CACNA2D3: variants seen among roughly 807,000 people sequenced by gnomAD.
CACNA2D3 encodes calcium voltage-gated channel auxiliary subunit alpha2delta 3.
A neutral mutation model predicts 160.6 loss-of-function variants in CACNA2D3; 60 were observed. The ratio of observed to expected loss-of-function variants is 0.37; its 90% CI spans 0.30 to 0.46. The LOEUF (loss-of-function observed/expected upper bound fraction) is 0.46. Among genes scored for constraint, CACNA2D3 ranks in the 20% least tolerant of loss-of-function variants. CACNA2D3 has a pLI of 1.00. For missense variants in CACNA2D3, 1,205 were observed against 1,365.0 expected (o/e 0.88, Z 1.85); for synonymous variants, 558 against 492.9 (o/e 1.13, Z -1.75).
chr3:54,660,525 C>T (rs1699949701), intron 11 of CACNA2D3, among the ~76,000 whole-genome samples: 1 of 151,836 alleles, frequency 6.6e-6, no homozygotes, highest in African/African-American at 2.4e-5. Flanking sequence ...GCTCCTTCTT[C>T]CTGTAGATTT....
chr3:54,739,353 G>T (rs1404976123), intron 11 of CACNA2D3, among the ~76,000 whole-genome samples: 1 of 146,634 alleles, frequency 6.8e-6, no homozygotes, highest in Non-Finnish European at 1.5e-5. Context: ...CTGGGAGGCA[G>T]AGGTTGCAGT....
rs368045811 is a variant in CACNA2D3, at chr3:54,164,808, A to G, written c.204+41214A>G. The stretch of plus-strand genomic sequence containing the variant: ...TGCACCCCTGAGCAGGACATTCCCC[A>G]GTGAGAGCCCCAGGCCCGACACTTC... On this transcript the variant is annotated intron_variant, in intron 2 of 37. Coordinates refer to ENST00000474759, the MANE Select transcript of CACNA2D3 (RefSeq NM_018398.3). Among the ~76,000 whole-genome samples, 3 of 152,264 alleles carry G rather than the reference A, an allele frequency of 2.0e-5. No individual in the cohort carries two copies. The East Asian group carries it at 5.8e-4, about 30-fold the overall frequency.
chr3:54,718,578 G>A (rs1468723357), intron 11 of CACNA2D3, among the ~76,000 whole-genome samples: 1 of 151,758 alleles, frequency 6.6e-6, no homozygotes, highest in African/African-American at 2.4e-5. Context: ...AATTACTTGA[G>A]TTTTATGTAA....
intron 35 of CACNA2D3, among the ~76,000 whole-genome samples, chr3:55,030,783 C>T (rs1703670361): frequency 6.6e-6 from 1 of 152,166 alleles, no homozygotes; most frequent in South Asian, 2.1e-4. Context: ...CTTTGAGGAT[C>T]CAGATAGAAT....
At position 54,923,542 on chromosome 3, in the gene CACNA2D3, A is replaced by T. The variant is rs141479691; in HGVS notation, c.2449+23674A>T. ...TTCTTAGCACTAACTGCTATTCTAA[A>T]CATGTATCTTTATTTATCATCTTAT... On this transcript the variant is annotated intron_variant, in intron 27 of 37. Transcript: ENST00000474759. Among the ~76,000 whole-genome samples the T allele has an allele frequency of 3.9e-4, 60 of 152,266 alleles. 1 individual carries two copies. In the East Asian group the frequency reaches 9.5e-3, roughly 24 times the overall value.
chr3:54,339,386 A>G (rs372614539), intron 3 of CACNA2D3, among the ~76,000 whole-genome samples: 30 of 152,142 alleles, frequency 2.0e-4, no homozygotes, highest in South Asian at 1.5e-3. Flanking sequence ...CCTACCCCAA[A>G]TACCCCCTTC....
In CACNA2D3 at chr3:55,074,350, C is replaced by A. The variant is rs146267223; in HGVS notation, c.*144C>A. 153 of 673,704 alleles carry A rather than the reference C, an allele frequency of 2.3e-4. 1 individual carries two copies. The African/African-American group carries it at 2.5e-3, about 11-fold the overall frequency. The allele number at this position is 673,704 out of a possible 1,614,324, so 41.7% of individuals were successfully genotyped here. ...CATCTCATCATGATTTTAAACTGTG[C>A]GTGATATAAACTCTTAAAGATATGT... On this transcript the variant is annotated 3_prime_UTR_variant, in exon 38 of 38. Coordinates refer to ENST00000474759, the MANE Select transcript of CACNA2D3 (RefSeq NM_018398.3).
intron 4 of CACNA2D3, among the ~76,000 whole-genome samples, chr3:54,438,577 T>G (rs371061992): frequency 1.3e-5 from 2 of 152,188 alleles, no homozygotes. Context: ...ACGACTGAAT[T>G]GAATTATTAT....
chr3:55,035,212 C>T (rs188565026), intron 35 of CACNA2D3, among the ~76,000 whole-genome samples: 40 of 152,214 alleles, frequency 2.6e-4, no homozygotes, highest in African/African-American at 9.1e-4. Flanking sequence ...CATGTTTATA[C>T]ATTTAATGCT....
At chr3:54,649,475 C>T (rs1172912341) in intron 11 of CACNA2D3, among the ~76,000 whole-genome samples, 1 of 152,200 alleles carries the variant, frequency 6.6e-6, no homozygotes, top group Non-Finnish European at 1.5e-5. Flanking sequence ...GCTGCTATGA[C>T]AAAATATCAA....
chr3:54,541,147 G>C (rs932232240), intron 5 of CACNA2D3, among the ~76,000 whole-genome samples: 2 of 151,502 alleles, frequency 1.3e-5, no homozygotes, highest in African/African-American at 4.8e-5. Flanking sequence ...CGTGGTGGCG[G>C]GCGCCTGTAG....
intron 2 of CACNA2D3, among the ~76,000 whole-genome samples, chr3:54,184,327 G>A (rs1167207616): frequency 1.3e-5 from 2 of 152,196 alleles, no homozygotes; most frequent in African/African-American, 2.4e-5. Context: ...TGAGTGAATA[G>A]TAGCCACTTC....
At chr3:54,146,083 G>GT (rs1700025218) in intron 2 of CACNA2D3, among the ~76,000 whole-genome samples, 1 of 151,964 alleles carries the variant, frequency 6.6e-6, no homozygotes. Flanking sequence ...ATTTAAATAG[G>GT]TCTTTTTTCC....
intron 4 of CACNA2D3, among the ~76,000 whole-genome samples, chr3:54,389,421 A>T (rs1006574525): frequency 1.3e-5 from 2 of 152,250 alleles, no homozygotes; most frequent in Admixed American, 6.5e-5. Flanking sequence ...TGCTAAAATT[A>T]GTTGGCAAAA....
chr3:55,003,012 G>C (rs191496076), intron 31 of CACNA2D3, among the ~76,000 whole-genome samples: 1 of 152,278 alleles, frequency 6.6e-6, no homozygotes, highest in Non-Finnish European at 1.5e-5. Context: ...AATGCCTTCT[G>C]TATGCTGGGT....
In CACNA2D3 at chr3:54,764,276, T is replaced by C. The variant is rs994961985; in HGVS notation, c.1305T>C (p.Leu435=). 1.2e-6 allele frequency: 2 copies of C among 1,613,902 alleles called. No individual in the cohort carries two copies. Among genetic ancestry groups the C allele is most frequent in the Non-Finnish European group, 1.7e-6 (2 of 1,179,850 alleles). Residue 435 remains leucine (L), a synonymous_variant, in exon 13 of 38, where the codon CTT becomes CTC. Transcript: ENST00000474759. ...ADVQENVMEY[L]HVLSRPKVID... is the part of the protein sequence containing the mutation. ...TGCAGGAGAATGTCATGGAATACCT[T>C]CACGTGCTTAGCCGGCCCAAAGTCA...
At chr3:54,393,086 G>A (rs1441468489) in intron 4 of CACNA2D3, among the ~76,000 whole-genome samples, 1 of 152,230 alleles carries the variant, frequency 6.6e-6, no homozygotes, top group Non-Finnish European at 1.5e-5. Flanking sequence ...AGAAGCTCAG[G>A]ATGGACGCAT....
intron 2 of CACNA2D3, among the ~76,000 whole-genome samples, chr3:54,126,234 A>T (rs1699587528): frequency 6.6e-6 from 1 of 152,240 alleles, no homozygotes; most frequent in African/African-American, 2.4e-5. Flanking sequence ...CATACACTTT[A>T]CAAAGTAGTT....
chr3:54,433,567 G>A (rs1306946816), intron 4 of CACNA2D3, among the ~76,000 whole-genome samples: 1 of 152,184 alleles, frequency 6.6e-6, no homozygotes, highest in African/African-American at 2.4e-5. Flanking sequence ...ATTACCCCTT[G>A]CTTCTCCCTC....
Sources: allele counts gnomAD v4.1 joint callset (sites outside exome capture counted in the v4.1 genomes callset), GRCh38; gene constraint gnomAD v4.1.1; transcripts MANE v1.5; gene names NCBI Gene and HGNC (gene_info 2026-07-23, HGNC 2026-07-21).